Variants in DOK6 observed in about 807,000 individuals in gnomAD.
The protein encoded by DOK6 is docking protein 6.
Under a neutral mutation model 44.0 loss-of-function variants are expected in DOK6, and 22 were observed. The observed-to-expected ratio is 0.50, with a 90% CI of 0.36 to 0.71. DOK6 has a LOEUF of 0.71. Among genes scored for constraint, DOK6 ranks in the 30% least tolerant of loss-of-function variants. The pLI is 0.00. For missense variants in DOK6, 340 were observed against 416.4 expected, an observed-to-expected ratio of 0.82 and a Z score of 1.60; for synonymous variants, 166 against 145.5, an observed-to-expected ratio of 1.14 and a Z score of -1.01.
chr18:69,508,586 G>C (rs1981260381), intron 1 of DOK6, among the ~76,000 whole-genome samples: 1 of 152,204 alleles, frequency 6.6e-6, no homozygotes, highest in Admixed American at 6.5e-5. Flanking sequence ...GGTAGTGAGT[G>C]TGAGGATGGA....
intron 7 of DOK6, among the ~76,000 whole-genome samples, chr18:69,764,410 G>C (rs1392633852): frequency 6.6e-6 from 1 of 152,116 alleles, no homozygotes; most frequent in Non-Finnish European, 1.5e-5. Flanking sequence ...CCACATGTTG[G>C]GGGAGGGACC....
intron 1 of DOK6, among the ~76,000 whole-genome samples, chr18:69,510,334 C>A (rs969398626): frequency 3.9e-5 from 6 of 152,140 alleles, no homozygotes; most frequent in Admixed American, 6.5e-5. Context: ...GTAATGAAAA[C>A]ATCTTCAATC....
chr18:69,731,233 A>G (rs1214161190), intron 5 of DOK6, among the ~76,000 whole-genome samples: 1 of 152,228 alleles, frequency 6.6e-6, no homozygotes, highest in African/African-American at 2.4e-5. Flanking sequence ...GAGTTTTTAA[A>G]TAAAAAGTTA....
intron 1 of DOK6, among the ~76,000 whole-genome samples, chr18:69,455,531 CTCTG>C (rs1393330626): frequency 2.6e-5 from 4 of 152,046 alleles, no homozygotes; most frequent in East Asian, 1.9e-4. Context: ...TTTTTTGTTT[CTCTG>C]TCTTTCACTC....
At chr18:69,668,713 T>C (rs1357953570) in intron 3 of DOK6, among the ~76,000 whole-genome samples, 1 of 152,226 alleles carries the variant, frequency 6.6e-6, no homozygotes, top group Non-Finnish European at 1.5e-5. Flanking sequence ...CCTAGTTTGT[T>C]GTTTGGCTGG....
At chr18:69,469,686 G>A (rs768684604) in intron 1 of DOK6, 3 of 253,984 alleles carry the variant, frequency 1.2e-5, no homozygotes, top group Non-Finnish European at 2.4e-5. Context: ...CCGGAGATAC[G>A]CTGCTGTGGG....
chr18:69,723,393 C>T (rs1978292382), intron 5 of DOK6, among the ~76,000 whole-genome samples: 2 of 152,220 alleles, frequency 1.3e-5, no homozygotes, highest in Admixed American at 6.5e-5. Flanking sequence ...GGCAGATTTC[C>T]TCCATGGAAA....
At chr18:69,705,356 G>A (rs1342223616) in intron 5 of DOK6, among the ~76,000 whole-genome samples, 1 of 151,958 alleles carries the variant, frequency 6.6e-6, no homozygotes, top group Non-Finnish European at 1.5e-5. Context: ...TGTTTTCTTG[G>A]TTTGTTTTTG....
chr18:69,452,122 G>A (rs1180977373), intron 1 of DOK6, among the ~76,000 whole-genome samples: 1 of 152,006 alleles, frequency 6.6e-6, no homozygotes, highest in East Asian at 1.9e-4. Context: ...ATGAATCCAG[G>A]AGCTGGTTTT....
At chr18:69,658,217 G>C (rs1985418938) in intron 3 of DOK6, among the ~76,000 whole-genome samples, 2 of 152,164 alleles carry the variant, frequency 1.3e-5, no homozygotes, top group African/African-American at 4.8e-5. Context: ...CTCTCAGAGA[G>C]CTGGGAATAC....
chr18:69,748,404 C>T (rs929119859), intron 6 of DOK6, among the ~76,000 whole-genome samples: 4 of 151,676 alleles, frequency 2.6e-5, no homozygotes, highest in African/African-American at 7.3e-5. Flanking sequence ...AAACCCACCC[C>T]CAAAACAACA....
chr18:69,547,106 T>G (rs1982428855), intron 1 of DOK6, among the ~76,000 whole-genome samples: 1 of 151,514 alleles, frequency 6.6e-6, no homozygotes, highest in African/African-American at 2.4e-5. Flanking sequence ...TGTTTGTTTG[T>G]TTGTTAGTTT....
At chr18:69,517,976 A>G (rs959473734) in intron 1 of DOK6, among the ~76,000 whole-genome samples, 1 of 151,516 alleles carries the variant, frequency 6.6e-6, no homozygotes, top group African/African-American at 2.4e-5. Context: ...ACATCTTTCT[A>G]CATGAGCTGG....
intron 3 of DOK6, chr18:69,661,439 T>G (rs1286991520): frequency 6.6e-6 from 1 of 152,178 alleles, no homozygotes; most frequent in Non-Finnish European, 1.5e-5. Context: ...ACATTCAGTT[T>G]ATAGCATATG....
intron 7 of DOK6, among the ~76,000 whole-genome samples, chr18:69,813,801 A>G (rs892812052): frequency 2.0e-5 from 3 of 152,120 alleles, no homozygotes; most frequent in Non-Finnish European, 4.4e-5. Flanking sequence ...ACCTTACTGT[A>G]ACCTAACAAT....
intron 1 of DOK6, among the ~76,000 whole-genome samples, chr18:69,489,643 T>C (rs1368080519): frequency 6.6e-6 from 1 of 152,230 alleles, no homozygotes; most frequent in African/African-American, 2.4e-5. Context: ...TAGAGTCCTG[T>C]TTCTTTTGTT....
At chr18:69,436,931 A>G (rs550200758) in intron 1 of DOK6, among the ~76,000 whole-genome samples, 53 of 151,992 alleles carry the variant, frequency 3.5e-4, no homozygotes, top group African/African-American at 1.1e-3. Flanking sequence ...CTTTTTTTCT[A>G]TGTTTGTTGC....
chr18:69,443,964 CAT>C lies in DOK6; in HGVS notation c.66+42666_66+42667del, dbSNP rs372296596. ...ATAAACATATGTACACACACATAAT[CAT>C]ATATATATATACACACACAATACAC... On this transcript the variant is annotated intron_variant, in intron 1 of 7. Transcript: ENST00000382713. Among the ~76,000 whole-genome samples the C allele has an allele frequency of 5.8e-3, 880 of 151,426 alleles. 3 individuals are homozygous for C. The highest frequency in any genetic ancestry group is 7.6e-3 in the Non-Finnish European group (517 of 67,854).
At chr18:69,527,890 C>A (rs1481437531) in intron 1 of DOK6, among the ~76,000 whole-genome samples, 1 of 151,986 alleles carries the variant, frequency 6.6e-6, no homozygotes, top group South Asian at 2.1e-4. Context: ...TGGCCGGGTG[C>A]GGTGGCTCAC....
Sources: allele counts gnomAD v4.1 joint callset (sites outside exome capture counted in the v4.1 genomes callset), GRCh38; gene constraint gnomAD v4.1.1; transcripts MANE v1.5; gene names NCBI Gene and HGNC (gene_info 2026-07-23, HGNC 2026-07-21).